Variants in LRRC8D observed in about 807,000 individuals in gnomAD.
LRRC8D encodes leucine rich repeat containing 8 VRAC subunit D, also known as volume-regulated anion channel subunit LRRC8D.
Under a neutral mutation model 55.8 loss-of-function variants are expected in LRRC8D, and 20 were observed. That is an observed-to-expected ratio of 0.36 (90% CI 0.25 to 0.52). The LOEUF is 0.52. LRRC8D is among the 20% of genes least tolerant of loss of function. The probability of loss-of-function intolerance (pLI) is 0.93; values close to 1 mark genes in which losing one functional copy is unlikely to be tolerated. For synonymous variants in LRRC8D, 352 were observed against 377.0 expected (o/e 0.93, Z 0.77); for missense variants, 651 against 1,030.8 (o/e 0.63, Z 5.05).
chr1:89,908,290 C>T (rs565959382), intron 2 of LRRC8D, among the ~76,000 whole-genome samples: 1 of 152,340 alleles, frequency 6.6e-6, no homozygotes, highest in African/African-American at 2.4e-5. Context: ...CATCATCTCA[C>T]TTCTCGTTAC....
At chr1:89,844,685 T>C (rs1266405808) in intron 2 of LRRC8D, among the ~76,000 whole-genome samples, 2 of 152,244 alleles carry the variant, frequency 1.3e-5, no homozygotes, top group African/African-American at 2.4e-5. Context: ...GTTGGTTTTA[T>C]GCTACAGACG....
intron 2 of LRRC8D, among the ~76,000 whole-genome samples, chr1:89,906,222 C>G (rs1408610390): frequency 6.6e-6 from 1 of 152,164 alleles, no homozygotes; most frequent in African/African-American, 2.4e-5. Flanking sequence ...GGAACAATTC[C>G]TCTTTATAAA....
intron 2 of LRRC8D, among the ~76,000 whole-genome samples, chr1:89,886,157 A>C (rs1662413470): frequency 6.6e-6 from 1 of 152,122 alleles, no homozygotes; most frequent in African/African-American, 2.4e-5. Flanking sequence ...CATTTTTAAG[A>C]GTGTAGTGCC....
intron 2 of LRRC8D, among the ~76,000 whole-genome samples, chr1:89,907,295 G>A (rs1342516685): frequency 2.0e-5 from 3 of 150,080 alleles, no homozygotes; most frequent in Admixed American, 6.7e-5. Context: ...GGGTTCAGGC[G>A]ATTCTCCTGC....
intron 2 of LRRC8D, among the ~76,000 whole-genome samples, chr1:89,894,006 T>C (rs1212017341): frequency 6.6e-6 from 1 of 152,182 alleles, no homozygotes; most frequent in Non-Finnish European, 1.5e-5. Context: ...CCACAAAGTG[T>C]TGAAATCCTA....
At chr1:89,826,454 T>G (rs1002768350) in intron 1 of LRRC8D, among the ~76,000 whole-genome samples, 5 of 152,026 alleles carry the variant, frequency 3.3e-5, no homozygotes, top group African/African-American at 4.8e-5. Context: ...TTAGTAGAGA[T>G]GGGGTTTCAC....
intron 2 of LRRC8D, among the ~76,000 whole-genome samples, chr1:89,919,903 A>G (rs1557484112): frequency 6.6e-6 from 1 of 152,186 alleles, no homozygotes; most frequent in Non-Finnish European, 1.5e-5. Flanking sequence ...AGGGTACACT[A>G]AGTGGGGTCT....
rs779911215 is a variant in LRRC8D, at chr1:89,933,842, C to A, written c.774C>A (p.Gly258=). The change falls in exon 3 of 3, where the codon GGC becomes GGA. Residue 258 remains glycine, a synonymous_variant. Transcript: ENST00000337338. This position sits in a 1 kb window ranked among gnomAD's most constrained non-coding sequence, Gnocchi z 7.0. ...SASTPMINKT[G]FKFSAEKPVI... ...GTACACCAATGATCAATAAAACTGG[C>A]TTTAAATTTTCAGCTGAGAAGCCTG... is the stretch of plus-strand genomic sequence containing the variant. 136 of 1,613,842 alleles carry A rather than the reference C, an allele frequency of 8.4e-5. 1 individual carries two copies. The highest frequency in any genetic ancestry group is 1.1e-4 in the Non-Finnish European group (134 of 1,179,962).
At chr1:89,891,010 T>A (rs1484093070) in intron 2 of LRRC8D, among the ~76,000 whole-genome samples, 3 of 152,200 alleles carry the variant, frequency 2.0e-5, no homozygotes, top group Admixed American at 6.5e-5. Flanking sequence ...GCTTCCTGAG[T>A]AGCTGGGACT....
chr1:89,902,341 G>C (rs1415844976), intron 2 of LRRC8D, among the ~76,000 whole-genome samples: 1 of 152,072 alleles, frequency 6.6e-6, no homozygotes, highest in Non-Finnish European at 1.5e-5. Flanking sequence ...ACTGTTGGCT[G>C]TTTCCCATTT....
At chr1:89,883,585 G>A (rs756494540) in intron 2 of LRRC8D, among the ~76,000 whole-genome samples, 4 of 152,068 alleles carry the variant, frequency 2.6e-5, no homozygotes, top group South Asian at 2.1e-4. Context: ...TGGAGGAGCC[G>A]GCCTAGGCTG....
intron 2 of LRRC8D, among the ~76,000 whole-genome samples, chr1:89,886,053 G>A (rs968642555): frequency 6.6e-6 from 1 of 152,152 alleles, no homozygotes; most frequent in Non-Finnish European, 1.5e-5. Context: ...AAAAGTTAAG[G>A]GGTGAGAGTG....
intron 1 of LRRC8D, among the ~76,000 whole-genome samples, chr1:89,838,461 AACAG>A (rs1339734434): frequency 1.3e-5 from 2 of 152,236 alleles, no homozygotes; most frequent in Non-Finnish European, 2.9e-5. Flanking sequence ...ACAGAAGATT[AACAG>A]ACAAAACATG....
intron 2 of LRRC8D, among the ~76,000 whole-genome samples, chr1:89,878,559 A>G (rs1428896010): frequency 6.6e-6 from 1 of 152,202 alleles, no homozygotes; most frequent in Non-Finnish European, 1.5e-5. Flanking sequence ...GACTCATTGT[A>G]CTTAGAGCAG....
chr1:89,873,720 T>C (rs927815332), intron 2 of LRRC8D, among the ~76,000 whole-genome samples: 2 of 152,220 alleles, frequency 1.3e-5, no homozygotes, highest in African/African-American at 4.8e-5. Context: ...AATTTTATAA[T>C]CCTGTCTGTT....
intron 2 of LRRC8D, among the ~76,000 whole-genome samples, chr1:89,872,873 A>G (rs565610427): frequency 1.3e-5 from 2 of 152,328 alleles, no homozygotes; most frequent in African/African-American, 4.8e-5. Flanking sequence ...TAAGAAGTTG[A>G]ACTCTTAATA....
Position 89,914,006 on chromosome 1 carries a change from T to G in LRRC8D, c.-2-19061T>G, listed in dbSNP as rs79700953. Among the ~76,000 whole-genome samples the G allele has an allele frequency of 4.1e-3, 618 of 152,328 alleles. 2 individuals carry two copies. The highest frequency in any genetic ancestry group is 0.014 in the African/African-American group (599 of 41,584). Reference sequence around the variant, plus strand: ...ACGGAAAAGTGTGGGAAATGCTGTTTTAATGGTTTATGCCAATTTCATCTC... The same window carrying G: ...ACGGAAAAGTGTGGGAAATGCTGTTGTAATGGTTTATGCCAATTTCATCTC... On this transcript the variant is annotated intron_variant, in intron 2 of 2. Coordinates refer to ENST00000337338, the MANE Select transcript of LRRC8D (RefSeq NM_001134479.2).
chr1:89,902,260 C>T (rs554406603), intron 2 of LRRC8D, among the ~76,000 whole-genome samples: 82 of 152,340 alleles, frequency 5.4e-4, no homozygotes, highest in East Asian at 1.9e-3. Flanking sequence ...AAAGTTTAAC[C>T]GTATTAACAA....
chr1:89,847,429 G>GATA (rs1300036196), intron 2 of LRRC8D, among the ~76,000 whole-genome samples: 1 of 152,168 alleles, frequency 6.6e-6, no homozygotes, highest in Non-Finnish European at 1.5e-5. Flanking sequence ...AATGATACAT[G>GATA]TATGGTTCCT....
Sources: allele counts gnomAD v4.1 joint callset (sites outside exome capture counted in the v4.1 genomes callset), GRCh38; gene constraint gnomAD v4.1.1; non-coding constraint Gnocchi (gnomAD v3.1); transcripts MANE v1.5; gene names NCBI Gene and HGNC (gene_info 2026-07-23, HGNC 2026-07-21).